ARHGEF6: variants seen among roughly 807,000 people sequenced by gnomAD.
ARHGEF6 encodes rho guanine nucleotide exchange factor 6.
ARHGEF6 carries 9 observed loss-of-function variants against 70.3 expected under a neutral mutation model. The observed-to-expected ratio is 0.13, with a 90% CI of 0.08 to 0.22. The LOEUF (loss-of-function observed/expected upper bound fraction) is 0.22, where lower values mean the gene tolerates loss of function less well. Ranked by LOEUF, ARHGEF6 falls within the 10% of genes least tolerant of loss-of-function variation. The pLI is 1.00. For synonymous variants in ARHGEF6, 201 were observed against 207.8 expected (o/e 0.97, Z 0.28); for missense variants, 470 against 563.0 (o/e 0.83, Z 1.67).
At chrX:136,739,681 G>C (rs1265367311) in intron 5 of ARHGEF6, among the ~76,000 whole-genome samples, 1 of 111,872 alleles carries the variant, frequency 8.9e-6, no homozygotes, top group African/African-American at 3.3e-5. Flanking sequence ...AGGGAGTGGG[G>C]ATAGGGTTAA....
chrX:136,689,054 C>G (rs1343000235), intron 10 of ARHGEF6, among the ~76,000 whole-genome samples: 5 of 111,982 alleles, frequency 4.5e-5, no homozygotes, highest in Non-Finnish European at 9.4e-5. Context: ...CAGAGCTGAA[C>G]AGATTAGGGG....
At chrX:136,731,953 A>G (rs2076939553) in intron 6 of ARHGEF6, 149 bp downstream of exon 6, 2 of 463,416 alleles carry the variant, frequency 4.3e-6, no homozygotes, top group Non-Finnish European at 7.6e-6. Context: ...TAAGTAAAAG[A>G]GCTCCACTGT....
intron 2 of ARHGEF6, among the ~76,000 whole-genome samples, chrX:136,777,315 C>T (rs1259569274): frequency 3.6e-5 from 4 of 111,128 alleles, no homozygotes; most frequent in African/African-American, 1.3e-4. Context: ...AGAACATATA[C>T]AAATGGCCAA....
chrX:136,712,090 G>A (rs1426577214), intron 7 of ARHGEF6, among the ~76,000 whole-genome samples: 2 of 111,437 alleles, frequency 1.8e-5, no homozygotes, highest in African/African-American at 3.3e-5. Context: ...TGTTTGCTTG[G>A]TTTTGTTGTT....
At position 136,756,364 on chromosome X, in the gene ARHGEF6, G is replaced by A. The variant is rs751636418; in HGVS notation, c.250-8772C>T. ...CTGCTTGCCTGTCCCAGGTAATAGA[G>A]GTTCCTCTAAATGCCATCACAAAGC... On this transcript the variant is annotated intron_variant, in intron 2 of 21. Coordinates refer to ENST00000250617, the MANE Select transcript of ARHGEF6 (RefSeq NM_004840.3). 8.1e-5 allele frequency among the ~76,000 whole-genome samples: 9 copies of A among 111,678 alleles called. No homozygotes were observed. The East Asian group carries it at 2.5e-3, about 31-fold the overall frequency.
Position 136,666,176 on chromosome X carries a change from A to G in ARHGEF6, c.*1853T>C, listed in dbSNP as rs766099888. ...AAATTTCTTTACTCTTCAGCTTCCA[A>G]ACACGGCTGTGTGTGGTTGGCTGAT... On this transcript the variant is annotated 3_prime_UTR_variant, in exon 22 of 22. Coordinates refer to ENST00000250617, the MANE Select transcript of ARHGEF6 (RefSeq NM_004840.3). The G allele has an allele frequency of 4.4e-5, 5 of 112,677 alleles. No homozygotes were observed. The South Asian group carries it at 1.8e-3, about 41-fold the overall frequency. The allele number at this position is 112,677 out of a possible 1,213,427, so 9.3% of individuals were successfully genotyped here. A position where few individuals can be genotyped will look rare whatever the true frequency, so the allele number is the denominator to read the frequency against.
At position 136,727,411 on chromosome X, in the gene ARHGEF6, C is replaced by CTCTCTT. The variant is rs1569411095; in HGVS notation, c.732+4690_732+4691insAAGAGA. Among the ~76,000 whole-genome samples, 250 of 71,318 alleles carry CTCTCTT rather than the reference C, an allele frequency of 3.5e-3. 7 individuals are homozygous for CTCTCTT. Among genetic ancestry groups the CTCTCTT allele is most frequent in the Middle Eastern group, 6.7e-3 (1 of 150 alleles). The allele number at this position is 71,318 out of a possible 115,157, so 61.9% of individuals were successfully genotyped here. A position where few individuals can be genotyped will look rare whatever the true frequency, so the allele number is the denominator to read the frequency against. On this transcript the variant is annotated intron_variant, in intron 6 of 21. Transcript: ENST00000250617. The stretch of plus-strand genomic sequence containing the variant: ...TTTCTTTCTTTCTCTCTCTCTCTCT[C>CTCTCTT]TCTTTCTTTCTTTCTTTCCTTCTTT...
chrX:136,708,230 G>A (rs2076647138), intron 8 of ARHGEF6, among the ~76,000 whole-genome samples: 1 of 110,606 alleles, frequency 9.0e-6, no homozygotes, highest in African/African-American at 3.3e-5. Context: ...GGGTGAAAGG[G>A]GAGGGAGAGC....
intron 5 of ARHGEF6, among the ~76,000 whole-genome samples, chrX:136,734,256 C>T (rs891589233): frequency 4.5e-5 from 5 of 111,635 alleles, no homozygotes; most frequent in African/African-American, 1.3e-4. Context: ...CCGCCTGGAT[C>T]CACTGGTGGT....
At chrX:136,767,893 A>C in intron 2 of ARHGEF6, 2 of 627,483 alleles carry the variant, frequency 3.2e-6, no homozygotes, top group Non-Finnish European at 3.8e-6. Context: ...TGGCAGCAGC[A>C]AAAGCCGCGG....
chrX:136,742,706 GGCTTAT>G (rs745309399), intron 5 of ARHGEF6, among the ~76,000 whole-genome samples: 3 of 111,909 alleles, frequency 2.7e-5, no homozygotes, highest in South Asian at 7.5e-4. Flanking sequence ...CAGGCACAGT[GGCTTAT>G]GCCTGTAATC....
intron 2 of ARHGEF6, among the ~76,000 whole-genome samples, chrX:136,766,713 C>G (rs2077317823): frequency 8.9e-6 from 1 of 112,631 alleles, no homozygotes; most frequent in Non-Finnish European, 1.9e-5. Flanking sequence ...GAATACAGGT[C>G]TTTTCCATCT....
Position 136,746,082 on chromosome X carries a change from A to G in ARHGEF6, c.335-735T>C, listed in dbSNP as rs149316781. 2.0e-4 allele frequency among the ~76,000 whole-genome samples: 23 copies of G among 112,263 alleles called. No homozygotes were observed. The East Asian group carries it at 6.4e-3, about 31-fold the overall frequency. On this transcript the variant is annotated intron_variant, in intron 3 of 21. Coordinates refer to ENST00000250617, the MANE Select transcript of ARHGEF6 (RefSeq NM_004840.3). ...TAAAAGATATAAACTGCAAAAGTCT[A>G]AAGCCCAAACATTCCCTAGGCGACA...
chrX:136,772,951 C>A (rs774039711), intron 2 of ARHGEF6, among the ~76,000 whole-genome samples: 58 of 111,655 alleles, frequency 5.2e-4, no homozygotes, highest in African/African-American at 1.8e-3. Flanking sequence ...CACTTTGTTC[C>A]CAGATGTCTC....
chrX:136,760,547 G>A (rs1253009211), intron 2 of ARHGEF6, among the ~76,000 whole-genome samples: 1 of 112,592 alleles, frequency 8.9e-6, no homozygotes, highest in Non-Finnish European at 1.9e-5. Flanking sequence ...CTCCAGTCAG[G>A]AAGATTCTAA....
At chrX:136,686,641 T>TATATATATACACATATATATATATATAC (rs2076398203) in intron 11 of ARHGEF6, among the ~76,000 whole-genome samples, 5 of 66,773 alleles carry the variant, frequency 7.5e-5, no homozygotes, top group Non-Finnish European at 1.3e-4. Context: ...TATATATATA[T>TATATATATACACATATATATATATATAC]ACACACATAT....
intron 2 of ARHGEF6, chrX:136,767,614 G>T: frequency 1.3e-6 from 1 of 754,736 alleles, no homozygotes; most frequent in East Asian, 1.5e-4. Flanking sequence ...CGAGCCGGGC[G>T]AGGGTGCGCG....
intron 9 of ARHGEF6, among the ~76,000 whole-genome samples, chrX:136,696,056 C>A (rs1318436886): frequency 9.0e-6 from 1 of 111,592 alleles, no homozygotes; most frequent in Non-Finnish European, 1.9e-5. Flanking sequence ...ATACTAACAT[C>A]AATCCTGCAA....
At chrX:136,680,699 T>A in intron 15 of ARHGEF6, 32 bp downstream of exon 15, 1 of 1,208,436 alleles carries the variant, frequency 8.3e-7, no homozygotes, top group Non-Finnish European at 1.1e-6. Context: ...AAAGACTCAA[T>A]AATCTCTGGA....
Sources: allele counts gnomAD v4.1 joint callset (sites outside exome capture counted in the v4.1 genomes callset), GRCh38; gene constraint gnomAD v4.1.1; transcripts MANE v1.5; gene names NCBI Gene and HGNC (gene_info 2026-07-23, HGNC 2026-07-21).